DCHS2: variants seen among roughly 807,000 people sequenced by gnomAD.
DCHS2 encodes dachsous cadherin-related 2.
In DCHS2, 142 loss-of-function variants were observed where a neutral mutation model predicts 182.4. The observed-to-expected ratio is 0.78, with a 90% CI of 0.68 to 0.89. The LOEUF is 0.89. Ranked by LOEUF, DCHS2 falls within the 40% of genes least tolerant of loss-of-function variation. DCHS2 has a pLI of 0.00. For synonymous variants in DCHS2, 1,740 were observed against 1,663.3 expected (o/e 1.05, Z -1.12); for missense variants, 4,319 against 4,198.6 (o/e 1.03, Z -0.79).
intron 3 of DCHS2, among the ~76,000 whole-genome samples, chr4:154,358,213 T>C (rs1005226339): frequency 2.0e-5 from 3 of 152,194 alleles, no homozygotes; most frequent in Non-Finnish European, 2.9e-5. Flanking sequence ...TCTATCTTCA[T>C]GTGTGTTGTT....
intron 6 of DCHS2, among the ~76,000 whole-genome samples, chr4:154,329,016 C>G (rs1206092677): frequency 6.6e-6 from 1 of 152,008 alleles, no homozygotes; most frequent in Non-Finnish European, 1.5e-5. Flanking sequence ...ATACAACATA[C>G]AAAAAGACAA....
chr4:154,251,917 ACAT>A (rs1732380359), intron 16 of DCHS2, among the ~76,000 whole-genome samples: 1 of 152,178 alleles, frequency 6.6e-6, no homozygotes, highest in African/African-American at 2.4e-5. Context: ...ATATTCATAA[ACAT>A]CAAACAGAAA....
intron 1 of DCHS2, among the ~76,000 whole-genome samples, chr4:154,432,429 A>G (rs1733597138): frequency 6.6e-6 from 1 of 152,206 alleles, no homozygotes; most frequent in South Asian, 2.1e-4. Context: ...ATCAGGCAAA[A>G]GTTGTGTTGT....
At chr4:154,386,748 A>G (rs904850553) in intron 1 of DCHS2, among the ~76,000 whole-genome samples, 3 of 152,194 alleles carry the variant, frequency 2.0e-5, no homozygotes, top group Non-Finnish European at 2.9e-5. Context: ...AATACTGTGT[A>G]TAGGATACAA....
chr4:154,390,097 T>TA (rs1175795687), intron 1 of DCHS2, among the ~76,000 whole-genome samples: 3 of 136,104 alleles, frequency 2.2e-5, no homozygotes, highest in African/African-American at 8.3e-5. Context: ...TTTTTTATTT[T>TA]TTTAAATTTT....
At chr4:154,407,353 A>G (rs77693626) in intron 1 of DCHS2, among the ~76,000 whole-genome samples, 5,013 of 152,158 alleles carry the variant, frequency 0.033, 113 homozygotes, top group Non-Finnish European at 0.05. Context: ...CTCCTTTTTT[A>G]TATCAACCCC....
At chr4:154,242,502 G>T in intron 17 of DCHS2, 140 bp downstream of exon 17, 2 of 1,267,920 alleles carry the variant, frequency 1.6e-6, no homozygotes, top group Non-Finnish European at 2.1e-6. Context: ...TTTTTGTTCT[G>T]CAAAATGAAG....
At chr4:154,323,025 G>A in intron 7 of DCHS2, 1 of 603,588 alleles carries the variant, frequency 1.7e-6, no homozygotes, top group Non-Finnish European at 2.7e-6. Context: ...TCAAAATAAA[G>A]TCCATATATT....
Position 154,490,878 on chromosome 4 carries a change from C to G in DCHS2, c.478G>C (p.Val160Leu). The change falls in exon 1 of 20, where the codon GTG (valine) becomes CTG (leucine). Residue 160 changes from valine to leucine, a missense_variant. Coordinates refer to ENST00000357232, the MANE Select transcript of DCHS2 (RefSeq NM_001358235.2). ...GGAAAGCGGGGCGAGTGGTCATTCA[C>G]GTCGTTGACGCGAATCTCCACCTGC... ...VVQVEIRVNDVNDHSPRFPLD... is the reference protein window; with the variant it reads ...VVQVEIRVNDLNDHSPRFPLD... The G allele has an allele frequency of 6.4e-7, 1 of 1,551,486 alleles. No homozygotes were observed. The highest frequency in any genetic ancestry group is 8.7e-7 in the Non-Finnish European group (1 of 1,146,928).
At chr4:154,291,989 G>A (rs1286726582) in intron 13 of DCHS2, among the ~76,000 whole-genome samples, 2 of 152,146 alleles carry the variant, frequency 1.3e-5, no homozygotes, top group African/African-American at 4.8e-5. Flanking sequence ...ACAAGCTTGA[G>A]GAGATGGATA....
intron 1 of DCHS2, among the ~76,000 whole-genome samples, chr4:154,446,880 T>A (rs958969166): frequency 6.6e-6 from 1 of 152,148 alleles, no homozygotes; most frequent in African/African-American, 2.4e-5. Context: ...TCTCATCAAA[T>A]TACTTTTGAC....
chr4:154,303,617 G>A (rs536332210), intron 12 of DCHS2, among the ~76,000 whole-genome samples: 44 of 152,186 alleles, frequency 2.9e-4, no homozygotes, highest in African/African-American at 1.0e-3. Context: ...AATGCTGTTG[G>A]ATATAAAGAC....
intron 1 of DCHS2, among the ~76,000 whole-genome samples, chr4:154,442,933 C>A (rs1432478985): frequency 6.6e-6 from 1 of 152,098 alleles, no homozygotes; most frequent in African/African-American, 2.4e-5. Context: ...CCTCCTCAGA[C>A]ACACACCCCT....
At chr4:154,237,261 C>A in intron 19 of DCHS2, 102 bp from the exon 20 acceptor site, 2 of 1,406,634 alleles carry the variant, frequency 1.4e-6, no homozygotes, top group Non-Finnish European at 9.3e-7. Context: ...GTGTTTAATT[C>A]TTTGTTAGAT....
chr4:154,418,141 TA>T (rs1159786463), intron 1 of DCHS2, among the ~76,000 whole-genome samples: 1 of 152,252 alleles, frequency 6.6e-6, no homozygotes, highest in African/African-American at 2.4e-5. Flanking sequence ...ACAATAATTT[TA>T]AATGCACCTG....
chr4:154,379,492 A>G (rs531749187), intron 1 of DCHS2, among the ~76,000 whole-genome samples: 2 of 152,300 alleles, frequency 1.3e-5, no homozygotes, highest in South Asian at 4.1e-4. Flanking sequence ...CTCCAAGTAG[A>G]TGTAGTGAAA....
chr4:154,443,825 G>C (rs536661166), intron 1 of DCHS2, among the ~76,000 whole-genome samples: 17 of 152,320 alleles, frequency 1.1e-4, no homozygotes, highest in East Asian at 3.9e-4. Flanking sequence ...ATCATGGAAA[G>C]TGAGGAGTGT....
chr4:154,301,484 T>A (rs913101366), intron 12 of DCHS2, among the ~76,000 whole-genome samples: 1 of 151,972 alleles, frequency 6.6e-6, no homozygotes, highest in Non-Finnish European at 1.5e-5. Context: ...TTTGCCTTAT[T>A]TTTATTTATT....
intron 16 of DCHS2, among the ~76,000 whole-genome samples, chr4:154,251,922 A>G (rs1486828660): frequency 6.6e-6 from 1 of 151,822 alleles, no homozygotes; most frequent in East Asian, 1.9e-4. Flanking sequence ...CATAAACATC[A>G]AACAGAAATT....
Sources: allele counts gnomAD v4.1 joint callset (sites outside exome capture counted in the v4.1 genomes callset), GRCh38; gene constraint gnomAD v4.1.1; transcripts MANE v1.5; gene names NCBI Gene and HGNC (gene_info 2026-07-23, HGNC 2026-07-21).